The following ZC4H2 variants were observed in gnomAD, a reference collection of about 807,000 sequenced individuals.
The protein encoded by ZC4H2 is zinc finger C4H2 domain-containing protein.
For missense variants in ZC4H2, 137 were observed against 173.9 expected (o/e 0.79, Z 1.19); for synonymous variants, 84 against 66.3 (o/e 1.27, Z -1.30).
chrX:64,955,268 T>A (rs1390293907), intron 1 of ZC4H2, among the ~76,000 whole-genome samples: 1 of 111,881 alleles, frequency 8.9e-6, no homozygotes, highest in Non-Finnish European at 1.9e-5. Context: ...GTTGTCATTT[T>A]CAATGCATGT....
chrX:64,945,678 C>T lies in ZC4H2; in HGVS notation c.54-23690G>A, dbSNP rs764430553. 2.7e-5 allele frequency among the ~76,000 whole-genome samples: 3 copies of T among 111,592 alleles called. No homozygotes were observed. In the South Asian group the frequency reaches 1.1e-3, roughly 42 times the overall value. Reference sequence around the variant, plus strand: ...CATTTAAGTCTGCTGAAGCTGCCCCCACAGCCACCCCTTCTCCCAGGTGTT... The same window carrying T: ...CATTTAAGTCTGCTGAAGCTGCCCCTACAGCCACCCCTTCTCCCAGGTGTT... On this transcript the variant is annotated intron_variant, in intron 1 of 4. Transcript: ENST00000374839.
chrX:65,024,427 T>G (rs1345619452), intron 1 of ZC4H2, among the ~76,000 whole-genome samples: 4 of 111,169 alleles, frequency 3.6e-5, no homozygotes, highest in Non-Finnish European at 7.5e-5. Context: ...GAATGTAAAT[T>G]TGTAAATTAT....
At chrX:64,995,963 G>A (rs1932405693) in intron 1 of ZC4H2, among the ~76,000 whole-genome samples, 1 of 111,526 alleles carries the variant, frequency 9.0e-6, no homozygotes, top group African/African-American at 3.3e-5. Flanking sequence ...GAAAAATCTG[G>A]GGGAGTTTGC....
intron 1 of ZC4H2, among the ~76,000 whole-genome samples, chrX:65,015,939 T>C (rs946312940): frequency 1.8e-5 from 2 of 110,838 alleles, no homozygotes; most frequent in African/African-American, 6.6e-5. Context: ...AGAACACTTT[T>C]ATCCTCCCCA....
At chrX:65,000,166 C>T (rs188679921) in intron 1 of ZC4H2, among the ~76,000 whole-genome samples, 18 of 111,865 alleles carry the variant, frequency 1.6e-4, no homozygotes, top group African/African-American at 4.5e-4. Context: ...TCCCAGCAGG[C>T]GCCAACAGAC....
chrX:65,024,645 A>G (rs1433374268), intron 1 of ZC4H2, among the ~76,000 whole-genome samples: 3 of 112,089 alleles, frequency 2.7e-5, no homozygotes, highest in Non-Finnish European at 5.6e-5. Flanking sequence ...GAATCAATCC[A>G]GGTGCTCATT....
At chrX:64,943,296 T>A (rs1324613577) in intron 1 of ZC4H2, among the ~76,000 whole-genome samples, 1 of 112,257 alleles carries the variant, frequency 8.9e-6, no homozygotes, top group Non-Finnish European at 1.9e-5. Context: ...CTGAGAAGAA[T>A]GTATATTCTG....
At chrX:64,921,328 G>A (rs1360599135) in intron 2 of ZC4H2, among the ~76,000 whole-genome samples, 1 of 111,821 alleles carries the variant, frequency 8.9e-6, no homozygotes, top group Non-Finnish European at 1.9e-5. Context: ...AAAGAGGGGA[G>A]CTTACCACCT....
chrX:64,950,946 T>A (rs1351591157), intron 1 of ZC4H2, among the ~76,000 whole-genome samples: 1 of 110,595 alleles, frequency 9.0e-6, no homozygotes, highest in Non-Finnish European at 1.9e-5. Flanking sequence ...CCTAATGCCA[T>A]AGCTCCCCAC....
At chrX:65,031,739 T>C (rs929190191) in intron 1 of ZC4H2, among the ~76,000 whole-genome samples, 1 of 111,745 alleles carries the variant, frequency 8.9e-6, no homozygotes, top group African/African-American at 3.3e-5. Context: ...GTCACATTTC[T>C]CTTTGAAATG....
intron 1 of ZC4H2, among the ~76,000 whole-genome samples, chrX:65,025,930 C>T (rs73629403): frequency 1.4e-4 from 16 of 112,160 alleles, no homozygotes; most frequent in African/African-American, 3.9e-4. Flanking sequence ...CCAAATGTTA[C>T]GGTCCTCTGA....
At chrX:65,029,712 G>A (rs969938041) in intron 1 of ZC4H2, among the ~76,000 whole-genome samples, 24 of 111,537 alleles carry the variant, frequency 2.2e-4, no homozygotes, top group Non-Finnish European at 4.3e-4. Context: ...AGGAATAAGG[G>A]TATAATATGG....
chrX:64,918,619 A>T, intron 4 of ZC4H2: 1 of 119,384 alleles, frequency 8.4e-6, no homozygotes, highest in Non-Finnish European at 1.7e-5. Context: ...GTCCTGTGGG[A>T]TGTAAACCAG....
intron 1 of ZC4H2, among the ~76,000 whole-genome samples, chrX:65,017,085 T>A (rs986061666): frequency 1.8e-5 from 2 of 111,655 alleles, no homozygotes; most frequent in South Asian, 7.6e-4. Context: ...TCTGCTAGAG[T>A]TATTTCTGAT....
rs1569215071 is a variant in ZC4H2, at chrX:64,954,335, T to TA, written c.53+21989dup. ...AAGTATAATTATATATATATATATA[T>TA]ATAATTATATATATATATAATTATA... On this transcript the variant is annotated intron_variant, in intron 1 of 4. Coordinates refer to ENST00000374839, the MANE Select transcript of ZC4H2 (RefSeq NM_018684.4). 2.5e-4 allele frequency among the ~76,000 whole-genome samples: 18 copies of TA among 73,132 alleles called. 6 individuals are homozygous for TA. Among genetic ancestry groups the TA allele is most frequent in the African/African-American group, 1.5e-3 (18 of 11,862 alleles). The allele number at this position is 73,132 out of a possible 115,157, so 63.5% of individuals were successfully genotyped here.
intron 1 of ZC4H2, among the ~76,000 whole-genome samples, chrX:65,029,294 T>C (rs1932911612): frequency 8.9e-6 from 1 of 112,189 alleles, no homozygotes; most frequent in Non-Finnish European, 1.9e-5. Flanking sequence ...AAAGTGTCCA[T>C]TGCATAGGGA....
intron 1 of ZC4H2, among the ~76,000 whole-genome samples, chrX:65,005,601 A>G (rs1214874638): frequency 2.7e-5 from 3 of 111,671 alleles, no homozygotes; most frequent in African/African-American, 9.9e-5. Flanking sequence ...AAAACCATAA[A>G]AACCCTAGAA....
intron 1 of ZC4H2, among the ~76,000 whole-genome samples, chrX:65,024,372 T>C (rs1455342409): frequency 9.0e-6 from 1 of 111,387 alleles, no homozygotes; most frequent in Non-Finnish European, 1.9e-5. Flanking sequence ...CAACAGATGC[T>C]GTTGAGGCTG....
intron 1 of ZC4H2, among the ~76,000 whole-genome samples, chrX:65,027,660 C>G (rs1029489376): frequency 2.7e-5 from 3 of 111,209 alleles, no homozygotes; most frequent in African/African-American, 9.8e-5. Context: ...CCGTTGGGGG[C>G]CTACCAAACT....
Sources: allele counts gnomAD v4.1 joint callset (sites outside exome capture counted in the v4.1 genomes callset), GRCh38; gene constraint gnomAD v4.1.1; transcripts MANE v1.5; gene names NCBI Gene and HGNC (gene_info 2026-07-23, HGNC 2026-07-21).